Variants in CCDC125 observed in about 807,000 individuals in gnomAD.
The protein encoded by CCDC125 is coiled-coil domain-containing protein 125.
Under a neutral mutation model 57.4 loss-of-function variants are expected in CCDC125, and 43 were observed. The ratio of observed to expected loss-of-function variants is 0.75; its 90% CI spans 0.59 to 0.97. The LOEUF (loss-of-function observed/expected upper bound fraction) is 0.97. Among genes scored for constraint, CCDC125 ranks in the 50% least tolerant of loss-of-function variants. The pLI, the probability that CCDC125 is intolerant of heterozygous loss-of-function variation, is 0.00. For synonymous variants in CCDC125, 187 were observed against 195.2 expected (o/e 0.96, Z 0.35); for missense variants, 563 against 595.7 (o/e 0.95, Z 0.57).
intron 2 of CCDC125, among the ~76,000 whole-genome samples, chr5:69,314,412 C>T (rs540431204): frequency 6.6e-6 from 1 of 150,994 alleles, no homozygotes. Context: ...TTGCAGTGAG[C>T]GGAGATCGTG....
At position 69,329,378 on chromosome 5, in the gene CCDC125, A is replaced by G. The variant is rs1440499613; in HGVS notation, c.-41+3271T>C. Among the ~76,000 whole-genome samples, 4 of 149,924 alleles carry G rather than the reference A, an allele frequency of 2.7e-5. No individual in the cohort carries two copies. In the East Asian group the frequency reaches 8.2e-4, roughly 31 times the overall value. On this transcript the variant is annotated intron_variant, in intron 1 of 11. Coordinates refer to ENST00000396496, the MANE Select transcript of CCDC125 (RefSeq NM_176816.5). Reference sequence around the variant, plus strand: ...AATTTTTGTATTTTTTGTAGAGACGAGGTCTCCTTATATTGCCCAGGCTGG... The same window carrying G: ...AATTTTTGTATTTTTTGTAGAGACGGGGTCTCCTTATATTGCCCAGGCTGG...
At chr5:69,287,007 A>AAC (rs1753604960) in intron 10 of CCDC125, among the ~76,000 whole-genome samples, 1 of 151,554 alleles carries the variant, frequency 6.6e-6, no homozygotes, top group African/African-American at 2.4e-5. Flanking sequence ...AAAAAAAAAA[A>AAC]AAAAAACCCA....
chr5:69,300,203 G>T, intron 7 of CCDC125, 76 bp from the exon 8 acceptor site: 1 of 1,035,798 alleles, frequency 9.7e-7, no homozygotes, highest in South Asian at 1.3e-5. Flanking sequence ...ACCCCAACAT[G>T]ACATATTCAT....
intron 9 of CCDC125, 152 bp downstream of exon 9, chr5:69,294,641 G>C (rs1755031018): frequency 1.5e-6 from 1 of 683,322 alleles, no homozygotes; most frequent in East Asian, 2.6e-5. Context: ...ACAAAATCCA[G>C]TTGATAAGTT....
chr5:69,278,821 C>A (rs925855831), downstream of CCDC125, among the ~76,000 whole-genome samples: 2 of 149,370 alleles, frequency 1.3e-5, no homozygotes, highest in Non-Finnish European at 3.0e-5. Flanking sequence ...CCACCTCTGT[C>A]CCCAGTAGCT....
rs1355633266 is a variant in CCDC125 at position 69,303,933 on chromosome 5, G to A, written c.618-4C>T. On this transcript the variant is annotated splice_region_variant and splice_polypyrimidine_tract_variant and intron_variant, in intron 6 of 11. Transcript: ENST00000396496. The stretch of plus-strand genomic sequence containing the variant: ...GACTGCATTTTCACAGTTTAGCCTG[G>A]AAAAAAGTGGCTTTCAAATAACTAA... 6.4e-7 allele frequency: 1 copy of A among 1,554,958 alleles called. No homozygotes were observed.
At chr5:69,325,309 G>C (rs1760584618) in intron 1 of CCDC125, among the ~76,000 whole-genome samples, 1 of 134,046 alleles carries the variant, frequency 7.5e-6, no homozygotes, top group Admixed American at 8.0e-5. Flanking sequence ...CTGGGCAACA[G>C]AGTGAGATTC....
At chr5:69,311,281 T>G (rs1758095689) in intron 3 of CCDC125, 77 bp from the exon 4 acceptor site, 1 of 857,484 alleles carries the variant, frequency 1.2e-6, no homozygotes, top group African/African-American at 1.7e-5. Flanking sequence ...CTAGTCTACA[T>G]TTACCCTTGG....
At position 69,295,194 on chromosome 5, in the gene CCDC125, A is replaced by C. The variant is rs185018626; in HGVS notation, c.817-294T>G. Among the ~76,000 whole-genome samples the C allele has an allele frequency of 6.6e-5, 10 of 152,286 alleles. No homozygotes were observed. In the East Asian group the frequency reaches 1.9e-3, roughly 29 times the overall value. On this transcript the variant is annotated intron_variant, in intron 8 of 11. Transcript: ENST00000396496. The stretch of plus-strand genomic sequence containing the variant: ...TTTAATCCTGGCGCCACTCTCCTAT[A>C]GGTCTGAGTCCTTGGCAGGAGTTTA...
chr5:69,331,510 G>A (rs145123209), intron 1 of CCDC125, among the ~76,000 whole-genome samples: 4 of 151,966 alleles, frequency 2.6e-5, no homozygotes, highest in Admixed American at 2.0e-4. Context: ...AATTACAGGC[G>A]TGAGCCACTG....
At chr5:69,318,947 T>C (rs1034076540) in intron 2 of CCDC125, among the ~76,000 whole-genome samples, 12 of 151,458 alleles carry the variant, frequency 7.9e-5, no homozygotes, top group Admixed American at 2.6e-4. Flanking sequence ...TTTTTTCTTT[T>C]TTTTTTTTTG....
At chr5:69,277,622 T>C (rs1401797077), downstream of CCDC125, among the ~76,000 whole-genome samples, 1 of 151,870 alleles carries the variant, frequency 6.6e-6, no homozygotes, top group African/African-American at 2.4e-5. Context: ...CAAAAAAAAT[T>C]AGCTGGGCGT....
At chr5:69,279,198 GT>G (rs59136402), downstream of CCDC125, among the ~76,000 whole-genome samples, 69,253 of 118,972 alleles carry the variant, frequency 0.58, 18,568 homozygotes, top group African/African-American at 0.67. Flanking sequence ...ATGCAGGTTT[GT>G]TTTTTTTTTT....
At chr5:69,279,452 T>A (rs916072271), downstream of CCDC125, among the ~76,000 whole-genome samples, 1 of 152,170 alleles carries the variant, frequency 6.6e-6, no homozygotes, top group Admixed American at 6.6e-5. Flanking sequence ...CACCTTGGCC[T>A]CCCAAAGTGC....
intron 10 of CCDC125, among the ~76,000 whole-genome samples, chr5:69,286,236 T>A (rs1387821624): frequency 1.2e-4 from 11 of 95,272 alleles, no homozygotes; most frequent in African/African-American, 2.5e-4. Flanking sequence ...ATATATATAA[T>A]TTTTTTTTTT....
At chr5:69,311,277 T>C in intron 3 of CCDC125, 73 bp from the exon 4 acceptor site, 1 of 894,430 alleles carries the variant, frequency 1.1e-6, no homozygotes, top group South Asian at 1.5e-5. Context: ...TTGGCTAGTC[T>C]ACATTTACCC....
At chr5:69,294,381 C>T (rs1754986736) in intron 9 of CCDC125, among the ~76,000 whole-genome samples, 1 of 151,356 alleles carries the variant, frequency 6.6e-6, no homozygotes, top group Non-Finnish European at 1.5e-5. Flanking sequence ...AATCTCGGCT[C>T]ACTGCAACCT....
intron 2 of CCDC125, among the ~76,000 whole-genome samples, chr5:69,315,725 A>C (rs1758958382): frequency 7.1e-6 from 1 of 140,620 alleles, no homozygotes; most frequent in African/African-American, 2.7e-5. Context: ...GCACCATTGC[A>C]CTCCAGCCTG....
chr5:69,319,120 G>C (rs1759614671), intron 2 of CCDC125, among the ~76,000 whole-genome samples: 1 of 151,892 alleles, frequency 6.6e-6, no homozygotes, highest in Admixed American at 6.6e-5. Flanking sequence ...TAGAGATGGG[G>C]TTTTGCCATG....
Sources: gnomAD v4.1 joint callset for allele counts (sites outside exome capture counted in the v4.1 genomes callset) on GRCh38, gnomAD v4.1.1 for gene constraint, MANE v1.5 for transcripts, NCBI Gene and HGNC (gene_info 2026-07-23, HGNC 2026-07-21) for gene names.